KLHL29: variants seen among roughly 807,000 people sequenced by gnomAD.
KLHL29 encodes kelch like family member 29.
Under a neutral mutation model 80.4 loss-of-function variants are expected in KLHL29, and 21 were observed. That is an observed-to-expected ratio of 0.26 (90% CI 0.19 to 0.38). The LOEUF (loss-of-function observed/expected upper bound fraction) is 0.38. Among genes scored for constraint, KLHL29 ranks in the 10% least tolerant of loss-of-function variants. KLHL29 has a pLI of 1.00. For synonymous variants in KLHL29, 511 were observed against 526.8 expected (o/e 0.97, Z 0.41); for missense variants, 867 against 1,223.9 (o/e 0.71, Z 4.35).
intron 1 of KLHL29, among the ~76,000 whole-genome samples, chr2:23,472,409 G>T (rs1664517919): frequency 1.3e-5 from 2 of 152,110 alleles, no homozygotes; most frequent in African/African-American, 4.8e-5. Context: ...GCCGAGGCGG[G>T]CGGATCACAA....
In KLHL29 at chr2:23,559,271, G is replaced by A. The variant is rs544682150; in HGVS notation, c.-45-2881G>A. On this transcript the variant is annotated intron_variant, in intron 2 of 13. Transcript: ENST00000486442. The stretch of plus-strand genomic sequence containing the variant: ...TGAATGAGAGGGGATGCTAGAAAAG[G>A]GAGCCCGCCCAGATCCTCTTCTGGG... Among the ~76,000 whole-genome samples, 28 of 152,244 alleles carry A rather than the reference G, an allele frequency of 1.8e-4. No individual in the cohort carries two copies. The South Asian group carries it at 4.4e-3, about 24-fold the overall frequency.
rs57075118 is a variant in KLHL29, at chr2:23,613,537, G to A, written c.286-25602G>A. 5.3e-3 allele frequency among the ~76,000 whole-genome samples: 800 copies of A among 152,104 alleles called. 6 individuals are homozygous for A. The highest frequency in any genetic ancestry group is 0.018 in the African/African-American group (764 of 41,496). On this transcript the variant is annotated intron_variant, in intron 3 of 13. Transcript: ENST00000486442. ...TCCCAGCACTTTGGGAGGCTGAGGT[G>A]GGCGGATCACAAGGTCAGGAATTCA...
chr2:23,444,350 T>C (rs1663614843), intron 1 of KLHL29, among the ~76,000 whole-genome samples: 1 of 152,212 alleles, frequency 6.6e-6, no homozygotes, highest in Non-Finnish European at 1.5e-5. Flanking sequence ...GTTTGTTTGT[T>C]TTTGCTCTTG....
intron 2 of KLHL29, among the ~76,000 whole-genome samples, chr2:23,495,482 C>T (rs1227016261): frequency 6.6e-6 from 1 of 152,208 alleles, no homozygotes; most frequent in Non-Finnish European, 1.5e-5. Context: ...AATGTCATCT[C>T]ACTTAAACCA....
chr2:23,525,726 G>GCCCCCCCCCCCCC (rs746729913), intron 2 of KLHL29, among the ~76,000 whole-genome samples: 1 of 62,608 alleles, frequency 1.6e-5, no homozygotes, highest in Non-Finnish European at 2.9e-5. Flanking sequence ...CCCAGCCCCT[G>GCCCCCCCCCCCCC]CCCCCCCCCC....
At chr2:23,440,649 C>G (rs1407481456) in intron 1 of KLHL29, among the ~76,000 whole-genome samples, 2 of 151,818 alleles carry the variant, frequency 1.3e-5, no homozygotes, top group Admixed American at 1.3e-4. Context: ...ACAAACAACC[C>G]CATCAAAAAG....
At chr2:23,485,190 G>C (rs759278335) in intron 2 of KLHL29, among the ~76,000 whole-genome samples, 35 of 152,144 alleles carry the variant, frequency 2.3e-4, no homozygotes, top group Admixed American at 5.9e-4. Flanking sequence ...GCCTCTGGCT[G>C]TGCTCCTGGC....
At chr2:23,671,190 C>A (rs543979885) in intron 5 of KLHL29, among the ~76,000 whole-genome samples, 1 of 151,934 alleles carries the variant, frequency 6.6e-6, no homozygotes, top group East Asian at 1.9e-4. Flanking sequence ...TCTTGCAAAT[C>A]CTTTAAAACT....
chr2:23,643,596 G>C (rs888969454), intron 5 of KLHL29: 1 of 157,230 alleles, frequency 6.4e-6, no homozygotes, highest in African/African-American at 2.4e-5. Context: ...CTTAGGGTTA[G>C]AGTTCTTGAT....
chr2:23,434,015 A>T (rs2103410103), intron 1 of KLHL29, among the ~76,000 whole-genome samples: 1 of 151,784 alleles, frequency 6.6e-6, no homozygotes, highest in South Asian at 2.1e-4. Flanking sequence ...GCAAGTGTGT[A>T]GAGCCCTTTA....
At chr2:23,439,327 T>C (rs1663442568) in intron 1 of KLHL29, among the ~76,000 whole-genome samples, 1 of 152,190 alleles carries the variant, frequency 6.6e-6, no homozygotes, top group African/African-American at 2.4e-5. Flanking sequence ...CTGCTCTGAT[T>C]TTAGTTGTTT....
At position 23,700,035 on chromosome 2, in the gene KLHL29, T is replaced by C. The variant is rs190530307; in HGVS notation, c.2106-3151T>C. ...TACACTCGTGCCATCCTTGACTTCC[T>C]CTCTCCTGTGCAAATGGACTCCACG... On this transcript the variant is annotated intron_variant, in intron 11 of 13. Coordinates refer to ENST00000486442, the MANE Select transcript of KLHL29 (RefSeq NM_052920.2). The surrounding 1 kb of genome is among the most constrained non-coding windows in gnomAD (Gnocchi z 4.6). Among the ~76,000 whole-genome samples, 55 of 152,308 alleles carry C rather than the reference T, an allele frequency of 3.6e-4. No individual in the cohort carries two copies. The highest frequency in any genetic ancestry group is 6.8e-3 in the Middle Eastern group (2 of 294).
At chr2:23,455,097 C>G (rs893576696) in intron 1 of KLHL29, among the ~76,000 whole-genome samples, 37 of 152,018 alleles carry the variant, frequency 2.4e-4, no homozygotes, top group African/African-American at 8.7e-4. Context: ...ATAAGATCAC[C>G]CTTTGATGTC....
chr2:23,427,888 T>G lies in KLHL29; in HGVS notation c.-154+42108T>G, dbSNP rs543388392. Among the ~76,000 whole-genome samples the G allele has an allele frequency of 2.0e-5, 3 of 152,360 alleles. No individual in the cohort carries two copies. The East Asian group carries it at 5.8e-4, about 29-fold the overall frequency. Reference sequence around the variant, plus strand: ...CAATGTTGGGAGCCCATCAGCTGTCTGTTTGCCCATCTTCCTGTGCTCATG... The same window carrying G: ...CAATGTTGGGAGCCCATCAGCTGTCGGTTTGCCCATCTTCCTGTGCTCATG... On this transcript the variant is annotated intron_variant, in intron 1 of 13. Transcript: ENST00000486442.
chr2:23,448,839 C>A (rs1278038916), intron 1 of KLHL29, among the ~76,000 whole-genome samples: 1 of 152,148 alleles, frequency 6.6e-6, no homozygotes, highest in African/African-American at 2.4e-5. Context: ...ATGGCCTCCA[C>A]CTCATTTCCT....
chr2:23,598,082 G>T (rs1022558940), intron 3 of KLHL29, among the ~76,000 whole-genome samples: 2 of 152,204 alleles, frequency 1.3e-5, no homozygotes, highest in Non-Finnish European at 2.9e-5. Flanking sequence ...TTTGGAAACG[G>T]TGTCCTGGGT....
At chr2:23,579,119 T>C (rs1000320207) in intron 3 of KLHL29, among the ~76,000 whole-genome samples, 1 of 152,236 alleles carries the variant, frequency 6.6e-6, no homozygotes, top group South Asian at 2.1e-4. Context: ...TTTAAGCCAT[T>C]TGTGGAGGGC....
At chr2:23,632,959 A>G (rs1458178485) in intron 3 of KLHL29, among the ~76,000 whole-genome samples, 1 of 143,182 alleles carries the variant, frequency 7.0e-6, no homozygotes, top group Non-Finnish European at 1.5e-5. Flanking sequence ...AAGTTTTCTG[A>G]TGTAGGGAGT....
chr2:23,423,259 G>A (rs1411568608), intron 1 of KLHL29, among the ~76,000 whole-genome samples: 1 of 152,230 alleles, frequency 6.6e-6, no homozygotes, highest in Non-Finnish European at 1.5e-5. Flanking sequence ...GCTCTGCAGG[G>A]CAATTCTGGG....
Sources: gnomAD v4.1 joint callset for allele counts (sites outside exome capture counted in the v4.1 genomes callset) on GRCh38, gnomAD v4.1.1 for gene constraint, Gnocchi (gnomAD v3.1) non-coding constraint, MANE v1.5 for transcripts, NCBI Gene and HGNC (gene_info 2026-07-23, HGNC 2026-07-21) for gene names.